DNM3: variants seen among roughly 807,000 people sequenced by gnomAD.
The protein encoded by DNM3 is dynamin-3.
DNM3 carries 47 observed loss-of-function variants against 101.6 expected under a neutral mutation model. The ratio of observed to expected loss-of-function variants is 0.46; its 90% CI spans 0.37 to 0.59. The LOEUF is 0.59. DNM3 is among the 20% of genes least tolerant of loss of function. DNM3 has a pLI of 0.00. For synonymous variants in DNM3, 385 were observed against 387.9 expected (o/e 0.99, Z 0.09); for missense variants, 849 against 1,085.7 (o/e 0.78, Z 3.06).
chr1:171,916,025 C>A (rs2145381), intron 1 of DNM3, among the ~76,000 whole-genome samples: 51,923 of 152,004 alleles, frequency 0.34, 9,201 homozygotes, highest in East Asian at 0.5. Flanking sequence ...GTCCTGAGTG[C>A]CAACTGTTCA....
rs1378493645 is a variant in DNM3 at position 172,215,506 on chromosome 1, GT to G, written c.1660-38063del. On this transcript the variant is annotated intron_variant, in intron 14 of 20. Transcript: ENST00000627582. The stretch of plus-strand genomic sequence containing the variant: ...GCTCCAGTCTTTATTATGTATGTAT[GT>G]TTTAAATTAAGGAGCAATCCAAAGG... 2.0e-5 allele frequency among the ~76,000 whole-genome samples: 3 copies of G among 151,986 alleles called. No individual in the cohort carries two copies. In the East Asian group the frequency reaches 5.8e-4, roughly 29 times the overall value.
intron 17 of DNM3, among the ~76,000 whole-genome samples, chr1:172,360,319 G>T (rs2067675464): frequency 6.6e-6 from 1 of 152,000 alleles, no homozygotes; most frequent in Admixed American, 6.6e-5. Flanking sequence ...AATAATAGGT[G>T]TCAGGAAGTT....
At chr1:171,983,321 G>A (rs1434672467) in intron 2 of DNM3, among the ~76,000 whole-genome samples, 1 of 129,100 alleles carries the variant, frequency 7.7e-6, no homozygotes, top group Non-Finnish European at 1.6e-5. Context: ...GCCAGATGTG[G>A]TGGCACACTG....
At chr1:172,047,782 A>C (rs934837036) in intron 9 of DNM3, among the ~76,000 whole-genome samples, 3 of 152,074 alleles carry the variant, frequency 2.0e-5, no homozygotes, top group Non-Finnish European at 4.4e-5. Context: ...ATTCAGTTGC[A>C]GGAAGAGAAG....
intron 2 of DNM3, among the ~76,000 whole-genome samples, chr1:171,940,341 C>A (rs1318562319): frequency 2.0e-5 from 3 of 152,134 alleles, no homozygotes; most frequent in Non-Finnish European, 4.4e-5. Flanking sequence ...TCATTCATCT[C>A]TTCATTAATG....
intron 1 of DNM3, among the ~76,000 whole-genome samples, chr1:171,890,364 G>A (rs1414208447): frequency 1.3e-5 from 2 of 152,144 alleles, no homozygotes; most frequent in East Asian, 1.9e-4. Context: ...AAACCAACTA[G>A]TTGGTTCATT....
intron 17 of DNM3, among the ~76,000 whole-genome samples, chr1:172,331,772 T>C (rs1275004700): frequency 2.0e-5 from 3 of 152,146 alleles, no homozygotes; most frequent in Admixed American, 2.0e-4. Context: ...TGAATACATA[T>C]GACAGAAAAA....
rs535629541 is a variant in DNM3 at position 172,161,694 on chromosome 1, A to T, written c.1659+30406A>T. On this transcript the variant is annotated intron_variant, in intron 14 of 20. Coordinates refer to ENST00000627582, the MANE Select transcript of DNM3 (RefSeq NM_015569.5). ...GGGAAAAGGTGTTGTTTTGACTTGG[A>T]CAGAAGGTTAATATCGACTTAACTG... Among the ~76,000 whole-genome samples, 6 of 152,116 alleles carry T rather than the reference A, an allele frequency of 3.9e-5. No individual in the cohort carries two copies. The South Asian group carries it at 1.2e-3, about 32-fold the overall frequency.
chr1:172,282,711 CT>C (rs1344996722), intron 15 of DNM3, among the ~76,000 whole-genome samples: 2 of 152,250 alleles, frequency 1.3e-5, no homozygotes, highest in Non-Finnish European at 2.9e-5. Context: ...CAGGAAGCAC[CT>C]TTTGTTAAAC....
rs140197203 is a variant in DNM3, at chr1:172,345,181, G to T, written c.1893+21841G>T. Among the ~76,000 whole-genome samples the T allele has an allele frequency of 2.6e-3, 391 of 152,288 alleles. 1 individual carries two copies. The highest frequency in any genetic ancestry group is 8.9e-3 in the African/African-American group (370 of 41,564). On this transcript the variant is annotated intron_variant, in intron 17 of 20. Transcript: ENST00000627582. ...CTTTCTCGAAAGTTCAGAGGCATTA[G>T]CCTGAAACCCTAACAGTTAGTTGAG...
At chr1:172,277,453 T>C (rs923332814) in intron 15 of DNM3, among the ~76,000 whole-genome samples, 1 of 152,000 alleles carries the variant, frequency 6.6e-6, no homozygotes. Context: ...CATAGATTCT[T>C]GGAGTCTGAT....
chr1:171,879,646 C>T (rs1409010863), intron 1 of DNM3, among the ~76,000 whole-genome samples: 1 of 152,200 alleles, frequency 6.6e-6, no homozygotes, highest in Non-Finnish European at 1.5e-5. Flanking sequence ...CAGAAAGGCA[C>T]AGTGGACTGC....
chr1:171,939,764 G>A (rs539207764), intron 2 of DNM3, among the ~76,000 whole-genome samples: 12 of 152,096 alleles, frequency 7.9e-5, no homozygotes, highest in South Asian at 2.1e-4. Flanking sequence ...TTTATATCAC[G>A]CCTGGGTCTA....
intron 13 of DNM3, chr1:172,093,597 A>AT (rs1192841017): frequency 2.8e-6 from 3 of 1,066,078 alleles, no homozygotes; most frequent in Non-Finnish European, 4.0e-6. Flanking sequence ...TCTGCTCTAG[A>AT]TTTTTTTCCC....
intron 13 of DNM3, among the ~76,000 whole-genome samples, chr1:172,125,337 A>C (rs139222431): frequency 1.3e-5 from 2 of 152,114 alleles, no homozygotes; most frequent in Non-Finnish European, 2.9e-5. Flanking sequence ...AGTCTTCCAC[A>C]TGTACTTTTG....
chr1:171,964,245 AC>A (rs769863949), intron 2 of DNM3, among the ~76,000 whole-genome samples: 4 of 152,076 alleles, frequency 2.6e-5, no homozygotes, highest in Non-Finnish European at 5.9e-5. Flanking sequence ...AGAGTCTGGC[AC>A]CTTTTTAAGT....
intron 17 of DNM3, among the ~76,000 whole-genome samples, chr1:172,352,843 C>A (rs1050519754): frequency 2.0e-5 from 3 of 152,102 alleles, no homozygotes; most frequent in Non-Finnish European, 4.4e-5. Context: ...CCTGAGTGAT[C>A]CAGATCCTTT....
At chr1:172,086,419 T>A (rs4264026) in intron 12 of DNM3, among the ~76,000 whole-genome samples, 5,600 of 152,280 alleles carry the variant, frequency 0.037, 244 homozygotes, top group East Asian at 0.14. Flanking sequence ...AGTCTAAAAT[T>A]GCTTTACTCT....
At chr1:171,961,942 A>G (rs941478349) in intron 2 of DNM3, among the ~76,000 whole-genome samples, 1 of 152,228 alleles carries the variant, frequency 6.6e-6, no homozygotes, top group Non-Finnish European at 1.5e-5. Flanking sequence ...TTTCACAGTT[A>G]TGGAGGCTGA....
Sources: allele counts gnomAD v4.1 joint callset (sites outside exome capture counted in the v4.1 genomes callset), GRCh38; gene constraint gnomAD v4.1.1; transcripts MANE v1.5; gene names NCBI Gene and HGNC (gene_info 2026-07-23, HGNC 2026-07-21).